The following METTL16 variants were observed in gnomAD, a reference collection of about 807,000 sequenced individuals.
The protein encoded by METTL16 is RNA N(6)-adenosine-methyltransferase METTL16.
A neutral mutation model predicts 57.9 loss-of-function variants in METTL16; 19 were observed. The observed-to-expected ratio is 0.33, with a 90% confidence interval of 0.23 to 0.48. METTL16 has a LOEUF of 0.48. Among genes scored for constraint, METTL16 ranks in the 20% least tolerant of loss-of-function variants. The pLI is 0.99. For missense variants in METTL16, 434 were observed against 691.5 expected (o/e 0.63, Z 4.18); for synonymous variants, 246 against 255.6 (o/e 0.96, Z 0.36).
chr17:2,489,732 C>CAAAACAAAAAAAAAA (rs2067371226), intron 2 of METTL16, among the ~76,000 whole-genome samples: 1 of 60,330 alleles, frequency 1.7e-5, no homozygotes, highest in African/African-American at 8.6e-5. Context: ...GAGCGAGACT[C>CAAAACAAAAAAAAAA]AAAAAAAAAA....
At chr17:2,481,659 T>C (rs185154022) in intron 2 of METTL16, among the ~76,000 whole-genome samples, 2 of 151,980 alleles carry the variant, frequency 1.3e-5, no homozygotes, top group African/African-American at 2.4e-5. Context: ...GTAGTAAACA[T>C]AAGAGAGGTT....
At chr17:2,506,373 T>G (rs1043829782) in intron 1 of METTL16, among the ~76,000 whole-genome samples, 8 of 151,050 alleles carry the variant, frequency 5.3e-5, no homozygotes, top group Admixed American at 1.3e-4. Context: ...CTCGGCTCAC[T>G]GCAACCTCCC....
intron 6 of METTL16, among the ~76,000 whole-genome samples, chr17:2,451,719 G>A (rs2067071525): frequency 6.6e-6 from 1 of 151,912 alleles, no homozygotes; most frequent in South Asian, 2.1e-4. Context: ...GAGGAAGGAA[G>A]AGAAATCGGG....
intron 6 of METTL16, among the ~76,000 whole-genome samples, chr17:2,441,782 T>A (rs573928586): frequency 6.6e-6 from 1 of 152,302 alleles, no homozygotes; most frequent in African/African-American, 2.4e-5. Flanking sequence ...TAAATAAATG[T>A]ACTTAGCCTC....
In METTL16 at chr17:2,454,549, ATAT is replaced by A. The variant is rs1187489850; in HGVS notation, c.728+9656_728+9658del. On this transcript the variant is annotated intron_variant, in intron 6 of 9. Transcript: ENST00000263092. ...TTCACTTTTTGACATGGATAAGACT[ATAT>A]TATTATTATTATTTTTTTTTTTTTT... 1.5e-3 allele frequency among the ~76,000 whole-genome samples: 223 copies of A among 144,448 alleles called. 3 individuals are homozygous for A. The highest frequency in any genetic ancestry group is 3.4e-3 in the African/African-American group (130 of 38,442). The allele number at this position is 144,448 out of a possible 152,430, so 94.8% of individuals were successfully genotyped here.
intron 3 of METTL16, chr17:2,477,469 A>C: frequency 3.7e-6 from 2 of 533,404 alleles, no homozygotes; most frequent in South Asian, 4.8e-5. Context: ...CCAAATCTGG[A>C]ACGCTCCAAC....
intron 1 of METTL16, among the ~76,000 whole-genome samples, chr17:2,503,019 G>GCTGT (rs1207174664): frequency 1.3e-5 from 2 of 152,326 alleles, no homozygotes; most frequent in South Asian, 4.1e-4. Context: ...TGGCACAGCT[G>GCTGT]CTGTCGAAAA....
At chr17:2,445,110 A>G (rs562341179) in intron 6 of METTL16, among the ~76,000 whole-genome samples, 26 of 152,272 alleles carry the variant, frequency 1.7e-4, no homozygotes, top group Middle Eastern at 3.4e-3. Flanking sequence ...TTGGCCTCCC[A>G]AAGTGCTGGG....
intron 2 of METTL16, among the ~76,000 whole-genome samples, chr17:2,490,044 A>G (rs1384878544): frequency 6.6e-6 from 1 of 152,214 alleles, no homozygotes; most frequent in East Asian, 1.9e-4. Flanking sequence ...GAAGTTGAGT[A>G]GAAGTATATA....
chr17:2,499,914 A>G (rs991537804), intron 2 of METTL16, among the ~76,000 whole-genome samples: 2 of 152,064 alleles, frequency 1.3e-5, no homozygotes, highest in Non-Finnish European at 2.9e-5. Flanking sequence ...CACCACACCC[A>G]GCTAATTTTT....
chr17:2,494,359 T>C lies in METTL16; in HGVS notation c.128+7845A>G, dbSNP rs557892899. Among the ~76,000 whole-genome samples the C allele has an allele frequency of 2.6e-5, 4 of 152,270 alleles. No individual in the cohort carries two copies. In the South Asian group the frequency reaches 6.2e-4, roughly 24 times the overall value. On this transcript the variant is annotated intron_variant, in intron 2 of 9. Coordinates refer to ENST00000263092, the MANE Select transcript of METTL16 (RefSeq NM_024086.4). ...TTTTTGTGGGTACATGGTAGGTATA[T>C]ATATTTAGGGGGTATATGGGATATA...
chr17:2,501,849 CTT>C (rs1457443663), intron 2 of METTL16, among the ~76,000 whole-genome samples: 1 of 145,790 alleles, frequency 6.9e-6, no homozygotes, highest in South Asian at 2.2e-4. Flanking sequence ...CAGAGCGAGA[CTT>C]TGTCTCAAAA....
In METTL16 at chr17:2,504,605, G is replaced by C. The variant is rs559906096; in HGVS notation, c.1-2274C>G. Among the ~76,000 whole-genome samples the C allele has an allele frequency of 2.6e-5, 4 of 152,260 alleles. No individual in the cohort carries two copies. The East Asian group carries it at 7.7e-4, about 29-fold the overall frequency. ...GTGTCTCACTCTGTCATCCAGGATG[G>C]AGTGCAGTAGCACAATCATACCTCA... On this transcript the variant is annotated intron_variant, in intron 1 of 9. Transcript: ENST00000263092.
chr17:2,455,454 T>C (rs1334275920), intron 6 of METTL16, among the ~76,000 whole-genome samples: 1 of 152,132 alleles, frequency 6.6e-6, no homozygotes, highest in Non-Finnish European at 1.5e-5. Flanking sequence ...AATTCTCTTC[T>C]TTCACCAGCT....
At chr17:2,447,502 T>G (rs62067058) in intron 6 of METTL16, among the ~76,000 whole-genome samples, 501 of 77,888 alleles carry the variant, frequency 6.4e-3, no homozygotes, top group Middle Eastern at 0.025. Context: ...GGTGAGGGGC[T>G]CCTCTGCCCG....
chr17:2,423,148 G>C (rs1007372710), intron 8 of METTL16, among the ~76,000 whole-genome samples: 1 of 152,124 alleles, frequency 6.6e-6, no homozygotes, highest in African/African-American at 2.4e-5. Flanking sequence ...TCTGATTACT[G>C]GGGGACGTCT....
At chr17:2,447,494 T>G (rs1264852116) in intron 6 of METTL16, among the ~76,000 whole-genome samples, 5 of 98,478 alleles carry the variant, frequency 5.1e-5, no homozygotes, top group African/African-American at 1.0e-4. Flanking sequence ...GTCCGGGAGG[T>G]GAGGGGCTCC....
At chr17:2,438,378 G>A (rs1800442121) in intron 7 of METTL16, among the ~76,000 whole-genome samples, 180 bp from the exon 8 acceptor site, 1 of 152,032 alleles carries the variant, frequency 6.6e-6, no homozygotes, top group South Asian at 2.1e-4. Flanking sequence ...TCTCAACAAA[G>A]TTATATTTTT....
In METTL16 at chr17:2,452,490, G is replaced by A. The variant is rs1033069779; in HGVS notation, c.729-10931C>T. 7.2e-5 allele frequency among the ~76,000 whole-genome samples: 11 copies of A among 151,874 alleles called. No homozygotes were observed. In the East Asian group the frequency reaches 7.7e-4, roughly 11 times the overall value. On this transcript the variant is annotated intron_variant, in intron 6 of 9. Transcript: ENST00000263092. The stretch of plus-strand genomic sequence containing the variant: ...GCATCTTGTGACAACTAATCAAAAT[G>A]CAAGTGGAAAAAAAAATGAAGAAAA...
Sources: gnomAD v4.1 joint callset for allele counts (sites outside exome capture counted in the v4.1 genomes callset) on GRCh38, gnomAD v4.1.1 for gene constraint, MANE v1.5 for transcripts, NCBI Gene and HGNC (gene_info 2026-07-23, HGNC 2026-07-21) for gene names.